Variants in PLPPR1 observed in about 807,000 individuals in gnomAD.
PLPPR1 encodes the protein phospholipid phosphatase related 1, also known as phospholipid phosphatase-related protein type 1.
In PLPPR1, 10 loss-of-function variants were observed where a neutral mutation model predicts 33.1. The observed-to-expected ratio is 0.30, with a 90% CI of 0.19 to 0.51. PLPPR1 has a LOEUF of 0.51. Ranked by LOEUF, PLPPR1 falls within the 20% of genes least tolerant of loss-of-function variation. The pLI is 0.97. For synonymous variants in PLPPR1, 151 were observed against 151.0 expected, an observed-to-expected ratio of 1.00 and a Z score of 0.00; for missense variants, 304 against 408.1, an observed-to-expected ratio of 0.74 and a Z score of 2.20.
chr9:101,236,870 T>C (rs550411766), intron 2 of PLPPR1, among the ~76,000 whole-genome samples: 12 of 151,786 alleles, frequency 7.9e-5, no homozygotes, highest in African/African-American at 2.9e-4. Context: ...GCCTTCTGCA[T>C]AGCAAAATAA....
intron 2 of PLPPR1, among the ~76,000 whole-genome samples, chr9:101,239,035 C>A (rs1827394944): frequency 6.7e-6 from 1 of 149,168 alleles, no homozygotes; most frequent in African/African-American, 2.5e-5. Flanking sequence ...CTTACTCATG[C>A]TGAATAAATA....
intron 2 of PLPPR1, among the ~76,000 whole-genome samples, chr9:101,205,910 C>G (rs1452260126): frequency 6.6e-6 from 1 of 152,106 alleles, no homozygotes; most frequent in African/African-American, 2.4e-5. Context: ...TTTTAGTCAG[C>G]TTAGTTATCA....
intron 1 of PLPPR1, among the ~76,000 whole-genome samples, chr9:101,107,968 G>A (rs554991288): frequency 0.014 from 2,064 of 150,332 alleles, 40 homozygotes; most frequent in Non-Finnish European, 0.021. Flanking sequence ...CTGACCCCTT[G>A]CGCTTCCCAG....
At chr9:101,310,151 G>A (rs952453542) in intron 5 of PLPPR1, among the ~76,000 whole-genome samples, 2 of 152,106 alleles carry the variant, frequency 1.3e-5, no homozygotes, top group African/African-American at 4.8e-5. Flanking sequence ...GAACAATGGT[G>A]TCTCTCTTAT....
intron 1 of PLPPR1, among the ~76,000 whole-genome samples, chr9:101,169,427 G>A (rs190291268): frequency 6.0e-4 from 92 of 152,220 alleles, no homozygotes; most frequent in African/African-American, 2.2e-3. Flanking sequence ...TGCCCTTCTA[G>A]TCTGGGGATG....
rs186933055 is a variant in PLPPR1, at chr9:101,124,198, G to A, written c.-45-61252G>A. ...CTTAGCCCTTATTCAAACTGGAGTCGCTCTGGTTTGAATACTTCCCACACA... is the reference window on the plus strand; with the variant it reads ...CTTAGCCCTTATTCAAACTGGAGTCACTCTGGTTTGAATACTTCCCACACA... On this transcript the variant is annotated intron_variant, in intron 1 of 7. Transcript: ENST00000374874. 4.7e-4 allele frequency among the ~76,000 whole-genome samples: 72 copies of A among 152,154 alleles called. 1 individual carries two copies. The highest frequency in any genetic ancestry group is 3.5e-3 in the South Asian group (17 of 4,818).
intron 1 of PLPPR1, among the ~76,000 whole-genome samples, chr9:101,067,070 A>G (rs549278321): frequency 1.2e-4 from 19 of 152,074 alleles, no homozygotes; most frequent in Non-Finnish European, 1.6e-4. Context: ...TGGCAAAGCT[A>G]CTATTCAAGC....
intron 2 of PLPPR1, among the ~76,000 whole-genome samples, chr9:101,231,488 G>T (rs1270440353): frequency 1.3e-5 from 2 of 151,792 alleles, no homozygotes; most frequent in African/African-American, 4.8e-5. Flanking sequence ...TTTTGAAAAT[G>T]GAGGAAGATT....
At chr9:101,051,469 G>T (rs1830222346) in intron 1 of PLPPR1, among the ~76,000 whole-genome samples, 1 of 152,092 alleles carries the variant, frequency 6.6e-6, no homozygotes, top group African/African-American at 2.4e-5. Flanking sequence ...TGCTCAAGTT[G>T]CATCAGATTT....
In PLPPR1 at chr9:101,029,096, G is replaced by T. The variant is rs558705831; in HGVS notation, c.-52G>T. 1.9e-3 allele frequency: 295 copies of T among 152,910 alleles called. 1 individual carries two copies. The highest frequency in any genetic ancestry group is 3.4e-3 in the Non-Finnish European group (231 of 68,334). The allele number at this position is 152,910 out of a possible 1,614,324, so 9.5% of individuals were successfully genotyped here. A position where few individuals can be genotyped will look rare whatever the true frequency, so the allele number is the denominator to read the frequency against. ...AGGGCGCACTGGAGGACGCTCCGCT[G>T]CGGGAGGTGAGTGCGGCGCCCGCAG... On this transcript the variant is annotated 5_prime_UTR_variant, in exon 1 of 8. Transcript: ENST00000374874.
chr9:101,142,257 T>G (rs1257701428), intron 1 of PLPPR1, among the ~76,000 whole-genome samples: 1 of 152,214 alleles, frequency 6.6e-6, no homozygotes, highest in African/African-American at 2.4e-5. Context: ...GACTTTGCCC[T>G]ATTAACCATT....
intron 1 of PLPPR1, among the ~76,000 whole-genome samples, chr9:101,029,458 T>C (rs1829913452): frequency 6.6e-6 from 1 of 152,158 alleles, no homozygotes; most frequent in South Asian, 2.1e-4. Context: ...CCTGCACGCG[T>C]TGGGTGGGTG....
rs375679741 is a variant in PLPPR1 at position 101,111,241 on chromosome 9, T to C, written c.-45-74209T>C. Among the ~76,000 whole-genome samples the C allele has an allele frequency of 4.6e-5, 7 of 152,176 alleles. No homozygotes were observed. In the East Asian group the frequency reaches 1.3e-3, roughly 29 times the overall value. On this transcript the variant is annotated intron_variant, in intron 1 of 7. Coordinates refer to ENST00000374874, the MANE Select transcript of PLPPR1 (RefSeq NM_207299.2). Reference sequence around the variant, plus strand: ...AGTGTTATTGCTATTAAAAAGAAAATAAGCAATTCAAGTCGTTTTCAGAAA... The same window carrying C: ...AGTGTTATTGCTATTAAAAAGAAAACAAGCAATTCAAGTCGTTTTCAGAAA...
At chr9:101,192,079 A>T (rs1826305668) in intron 2 of PLPPR1, among the ~76,000 whole-genome samples, 1 of 152,230 alleles carries the variant, frequency 6.6e-6, no homozygotes, top group Non-Finnish European at 1.5e-5. Flanking sequence ...CTGGGGCCAG[A>T]ACTTAAAGAA....
At chr9:101,188,995 A>G (rs1216404594) in intron 2 of PLPPR1, among the ~76,000 whole-genome samples, 1 of 151,984 alleles carries the variant, frequency 6.6e-6, no homozygotes, top group African/African-American at 2.4e-5. Flanking sequence ...TTTATCCTTT[A>G]GCAATCCTTT....
intron 1 of PLPPR1, among the ~76,000 whole-genome samples, chr9:101,068,242 G>A (rs998016522): frequency 6.6e-6 from 1 of 151,904 alleles, no homozygotes; most frequent in Non-Finnish European, 1.5e-5. Flanking sequence ...TTATTTCTAG[G>A]GAAAATACTT....
intron 1 of PLPPR1, among the ~76,000 whole-genome samples, chr9:101,150,027 G>A (rs1225263087): frequency 6.6e-6 from 1 of 151,964 alleles, no homozygotes; most frequent in Non-Finnish European, 1.5e-5. Flanking sequence ...CCTCTTCACT[G>A]TATCCACAGC....
chr9:101,271,427 T>C (rs1828098907), intron 3 of PLPPR1, among the ~76,000 whole-genome samples: 1 of 152,190 alleles, frequency 6.6e-6, no homozygotes, highest in African/African-American at 2.4e-5. Context: ...ACCAACTTCC[T>C]ACTTCTGAAA....
chr9:101,293,911 AAC>A (rs1342671065), intron 4 of PLPPR1, among the ~76,000 whole-genome samples: 2 of 151,762 alleles, frequency 1.3e-5, no homozygotes, highest in African/African-American at 4.8e-5. Flanking sequence ...AGCAAGAGCA[AAC>A]ACATTCAAAA....
Sources: gnomAD v4.1 joint callset for allele counts (sites outside exome capture counted in the v4.1 genomes callset) on GRCh38, gnomAD v4.1.1 for gene constraint, MANE v1.5 for transcripts, NCBI Gene and HGNC (gene_info 2026-07-23, HGNC 2026-07-21) for gene names.